Variants in EXTL3 observed in about 807,000 individuals in gnomAD.
EXTL3 encodes exostosin like glycosyltransferase 3, also known as exostosin-like 3.
EXTL3 carries 27 observed loss-of-function variants against 69.3 expected under a neutral mutation model. The observed-to-expected ratio is 0.39, with a 90% CI of 0.29 to 0.54. The LOEUF (loss-of-function observed/expected upper bound fraction) is 0.54, where lower values mean the gene tolerates loss of function less well. Ranked by LOEUF, EXTL3 falls within the 20% of genes least tolerant of loss-of-function variation. EXTL3 has a pLI of 0.69. For missense variants in EXTL3, 1,003 were observed against 1,231.8 expected (o/e 0.81, Z 2.78); for synonymous variants, 511 against 499.4 (o/e 1.02, Z -0.31).
At chr8:28,672,495 G>A (rs1051817377) in intron 1 of EXTL3, among the ~76,000 whole-genome samples, 2 of 152,178 alleles carry the variant, frequency 1.3e-5, no homozygotes, top group Non-Finnish European at 2.9e-5. Context: ...TCTCTTGGCT[G>A]TGAAGATTGT....
upstream of EXTL3, among the ~76,000 whole-genome samples, chr8:28,618,900 C>T (rs998972057): frequency 6.7e-6 from 1 of 150,280 alleles, no homozygotes; most frequent in Non-Finnish European, 1.5e-5. Context: ...CTGGCTAACA[C>T]GATGAAACCC....
upstream of EXTL3, chr8:28,698,267 A>G (rs1027445681): frequency 6.6e-6 from 1 of 152,290 alleles, no homozygotes; most frequent in African/African-American, 2.4e-5. Context: ...TATTTTAAAC[A>G]AGGACATTTG....
intron 1 of EXTL3, among the ~76,000 whole-genome samples, chr8:28,633,640 A>C (rs1240280713): frequency 6.6e-6 from 1 of 152,032 alleles, no homozygotes; most frequent in African/African-American, 2.4e-5. Context: ...TTTCAAAAAT[A>C]ATAATAATAA....
At position 28,716,515 on chromosome 8, in the gene EXTL3, G is replaced by A. The variant is rs140029630; in HGVS notation, c.456G>A (p.Lys152=). 4.3e-6 allele frequency: 7 copies of A among 1,614,060 alleles called. No homozygotes were observed. Among genetic ancestry groups the A allele is most frequent in the African/African-American group, 1.3e-5 (1 of 75,060 alleles). ...AGCTCATGGCCCAGAACCAGCCCAA[G>A]CTGTCCCTGCCCATCCGACTGCTCC... The part of the protein sequence containing the change: ...YKELMAQNQP[K]LSLPIRLLPE... The change falls in exon 3 of 7, where the codon AAG becomes AAA. Residue 152 remains lysine, a synonymous_variant. Transcript: ENST00000220562. This position sits in a 1 kb window ranked among gnomAD's most constrained non-coding sequence, Gnocchi z 7.1.
intron 1 of EXTL3, among the ~76,000 whole-genome samples, chr8:28,648,928 C>G (rs186454264): frequency 1.2e-3 from 178 of 152,068 alleles, no homozygotes; most frequent in African/African-American, 4.0e-3. Flanking sequence ...GAGTCTTACT[C>G]TGTCGCCCAG....
chr8:28,682,337 C>T lies in EXTL3; in HGVS notation c.-52-31120C>T, dbSNP rs538409975. ...TGTTGAGTTGAGTTCTTATATATTT[C>T]GGCTATTAACCCCTTATCAGATGTA... On this transcript the variant is annotated intron_variant, in intron 1 of 6. Coordinates refer to the EXTL3 transcript ENST00000523149. Among the ~76,000 whole-genome samples the T allele has an allele frequency of 1.6e-4, 25 of 152,202 alleles. No individual in the cohort carries two copies. In the East Asian group the frequency reaches 2.1e-3, roughly 13 times the overall value.
intron 1 of EXTL3, among the ~76,000 whole-genome samples, chr8:28,681,831 A>T (rs1585248606): frequency 6.6e-6 from 1 of 152,296 alleles, no homozygotes; most frequent in South Asian, 2.1e-4. Flanking sequence ...AGGCAGGCGG[A>T]TTACCAGAGG....
chr8:28,695,711 G>A (rs1443551174), intron 1 of EXTL3, among the ~76,000 whole-genome samples: 1 of 152,166 alleles, frequency 6.6e-6, no homozygotes, highest in Non-Finnish European at 1.5e-5. Flanking sequence ...AAGAAGTCCA[G>A]TAGGCTGGGA....
chr8:28,708,986 G>A (rs1361333068), intron 1 of EXTL3, among the ~76,000 whole-genome samples: 12 of 152,146 alleles, frequency 7.9e-5, no homozygotes, highest in South Asian at 2.1e-4. Context: ...TGGTTACAGC[G>A]GAGTAGCAGT....
At chr8:28,748,978 AC>A (rs1801948189) in intron 6 of EXTL3, among the ~76,000 whole-genome samples, 1 of 152,168 alleles carries the variant, frequency 6.6e-6, no homozygotes, top group Non-Finnish European at 1.5e-5. Context: ...AGTCGTCGAT[AC>A]CCTTGGACTG....
intron 1 of EXTL3, among the ~76,000 whole-genome samples, chr8:28,679,579 A>AC (rs1278813453): frequency 1.3e-5 from 2 of 152,068 alleles, no homozygotes; most frequent in East Asian, 3.9e-4. Context: ...TTCTACAAAA[A>AC]ACTAAACATA....
chr8:28,611,270 G>C (rs1806267965), intron 2 of EXTL3, among the ~76,000 whole-genome samples: 1 of 152,164 alleles, frequency 6.6e-6, no homozygotes, highest in Non-Finnish European at 1.5e-5. Flanking sequence ...GGGCAATATA[G>C]TGAGACCTCA....
chr8:28,694,417 C>T, intron 1 of EXTL3, among the ~76,000 whole-genome samples: 1 of 152,226 alleles, frequency 6.6e-6, no homozygotes, highest in East Asian at 1.9e-4. Context: ...ACTCATTTAA[C>T]AAATCAAATG....
chr8:28,641,656 A>G (rs1024313523), intron 1 of EXTL3, among the ~76,000 whole-genome samples: 1 of 151,732 alleles, frequency 6.6e-6, no homozygotes, highest in Non-Finnish European at 1.5e-5. Flanking sequence ...TATTTTTAGT[A>G]GAGATGGGGT....
At chr8:28,665,655 ATC>A (rs1807186002) in intron 1 of EXTL3, among the ~76,000 whole-genome samples, 1 of 151,974 alleles carries the variant, frequency 6.6e-6, no homozygotes, top group Non-Finnish European at 1.5e-5. Context: ...CAATCCGTCC[ATC>A]TCAACCTCCC....
At chr8:28,644,562 A>G (rs1265018709) in intron 1 of EXTL3, among the ~76,000 whole-genome samples, 1 of 152,116 alleles carries the variant, frequency 6.6e-6, no homozygotes, top group Admixed American at 6.6e-5. Context: ...AGCCAGGCAC[A>G]GTGGTTCACG....
intron 1 of EXTL3, among the ~76,000 whole-genome samples, chr8:28,648,332 G>C (rs531763556): frequency 9.2e-5 from 14 of 152,014 alleles, no homozygotes; most frequent in Non-Finnish European, 1.9e-4. Context: ...TGATTCCTCA[G>C]CTCCTCCAGC....
chr8:28,734,720 C>CA (rs900742013), intron 4 of EXTL3, among the ~76,000 whole-genome samples: 10 of 151,700 alleles, frequency 6.6e-5, no homozygotes, highest in South Asian at 2.1e-4. Context: ...CAAAACAAAA[C>CA]AAAAAAAACA....
chr8:28,691,575 T>TTTTTTTTTTTTTTTTTTTTTTA, intron 1 of EXTL3, among the ~76,000 whole-genome samples: 1 of 149,606 alleles, frequency 6.7e-6, no homozygotes, highest in African/African-American at 2.5e-5. Context: ...TTTTGTGATT[T>TTTTTTTTTTTTTTTTTTTTTTA]TTTTTTTTTG....
Sources: gnomAD v4.1 joint callset for allele counts (sites outside exome capture counted in the v4.1 genomes callset) on GRCh38, gnomAD v4.1.1 for gene constraint, Gnocchi (gnomAD v3.1) non-coding constraint, MANE v1.5 for transcripts, NCBI Gene and HGNC (gene_info 2026-07-23, HGNC 2026-07-21) for gene names.